Variants in ITPK1 observed in about 807,000 individuals in gnomAD.
ITPK1 encodes the protein inositol 1,3,4-trisphosphate 5/6-kinase.
ITPK1 carries 21 observed loss-of-function variants against 45.3 expected under a neutral mutation model. The ratio of observed to expected loss-of-function variants is 0.46; its 90% CI spans 0.33 to 0.67. The LOEUF (loss-of-function observed/expected upper bound fraction) is 0.67. ITPK1 is among the 30% of genes least tolerant of loss of function. The probability of loss-of-function intolerance (pLI) is 0.02; values close to 1 mark genes in which losing one functional copy is unlikely to be tolerated. For missense variants in ITPK1, 474 were observed against 573.5 expected (o/e 0.83, Z 1.77); for synonymous variants, 258 against 253.6 (o/e 1.02, Z -0.16).
rs554586014 is a variant in ITPK1, at chr14:92,969,646, A to T, written c.365-6797T>A. 2.0e-5 allele frequency among the ~76,000 whole-genome samples: 3 copies of T among 152,294 alleles called. No homozygotes were observed. The East Asian group carries it at 5.8e-4, about 29-fold the overall frequency. On this transcript the variant is annotated intron_variant, in intron 5 of 10. Transcript: ENST00000267615. ...GGGTTCCTCCCTCTCGATCACGAGA[A>T]GCTCGCAGTGGTGGCGCCAGCAGCT...
rs750294098 is a variant in ITPK1, at chr14:92,946,487, T to C, written c.745A>G (p.Lys249Glu). 2.5e-6 allele frequency: 4 copies of C among 1,612,400 alleles called. No homozygotes were observed. Among genetic ancestry groups the C allele is most frequent in the Admixed American group, 1.7e-5 (1 of 59,992 alleles). ...GGCCGCTCGAACACGCCCTCGATCTTGTCCAGCTGCCAACATACACAAGGA... is the reference window on the plus strand; with the variant it reads ...GGCCGCTCGAACACGCCCTCGATCTCGTCCAGCTGCCAACATACACAAGGA... Reference protein sequence around the residue: ...ESSSVLTELDKIEGVFERPSD... With the variant: ...ESSSVLTELDEIEGVFERPSD... Residue 249 changes from lysine to glutamate, a missense_variant, in exon 10 of 11, where the codon AAG becomes GAG. By Grantham distance (56) the Lys-to-Glu change is moderately conservative. This residue lies in a region of ITPK1 where 367 missense variants were observed against 480.6 expected (regional missense o/e 0.76). Transcript: ENST00000267615.
At chr14:93,074,474 T>C (rs960848317) in intron 3 of ITPK1, among the ~76,000 whole-genome samples, 6 of 152,320 alleles carry the variant, frequency 3.9e-5, no homozygotes, top group Middle Eastern at 3.4e-3. Flanking sequence ...TGACACCCAC[T>C]GTGTGACAGT....
chr14:93,011,222 T>C (rs1428526407), intron 4 of ITPK1, among the ~76,000 whole-genome samples: 2 of 152,164 alleles, frequency 1.3e-5, no homozygotes, highest in Non-Finnish European at 2.9e-5. Flanking sequence ...CGGCTGTCAT[T>C]TCAGGCTGCA....
intron 2 of ITPK1, among the ~76,000 whole-genome samples, chr14:93,079,777 T>C (rs971597336): frequency 6.6e-6 from 1 of 152,008 alleles, no homozygotes; most frequent in Admixed American, 6.6e-5. Flanking sequence ...GTTCAGAAAT[T>C]GAATGATGAA....
At chr14:93,093,240 G>A (rs1436113599) in intron 2 of ITPK1, among the ~76,000 whole-genome samples, 1 of 152,222 alleles carries the variant, frequency 6.6e-6, no homozygotes, top group Non-Finnish European at 1.5e-5. Context: ...AAAGGACAGG[G>A]TCCACAGGGT....
intron 10 of ITPK1, among the ~76,000 whole-genome samples, chr14:92,944,151 G>A (rs941580): frequency 0.063 from 9,643 of 152,196 alleles, 406 homozygotes; most frequent in East Asian, 0.22. Context: ...CTCTCTGGAG[G>A]GGCCCTCTCC....
chr14:93,040,501 G>A (rs960861715), intron 3 of ITPK1, among the ~76,000 whole-genome samples: 6 of 152,116 alleles, frequency 3.9e-5, no homozygotes, highest in Non-Finnish European at 7.4e-5. Flanking sequence ...CTGCCACACC[G>A]CTTGGCCCAA....
rs1429415215 is a variant in ITPK1, at chr14:93,016,242, G to GGCA, written c.246+431_246+433dup. Among the ~76,000 whole-genome samples, 1 of 152,090 alleles carries GGCA rather than the reference G, an allele frequency of 6.6e-6. No individual in the cohort carries two copies. Among genetic ancestry groups the GGCA allele is most frequent in the Non-Finnish European group, 1.5e-5 (1 of 68,020 alleles). On this transcript the variant is annotated intron_variant, in intron 4 of 10. Coordinates refer to ENST00000267615, the MANE Select transcript of ITPK1 (RefSeq NM_014216.6). This position sits in a 1 kb window ranked among gnomAD's most constrained non-coding sequence, Gnocchi z 5.0. ...GGTGAGTACCCAGGTCAAAGTAATGGGCAGAGGCAGGGTTCTCCACCAAGG... is the reference window on the plus strand; with the variant it reads ...GGTGAGTACCCAGGTCAAAGTAATGGGCAGCAGAGGCAGGGTTCTCCACCAAGG...
intron 2 of ITPK1, among the ~76,000 whole-genome samples, chr14:93,087,439 G>A (rs531146257): frequency 3.4e-4 from 52 of 152,360 alleles, no homozygotes; most frequent in African/African-American, 1.1e-3. Context: ...ACTTGAGGCC[G>A]TGAGTTTGAT....
chr14:92,995,847 C>T (rs900322916), intron 4 of ITPK1, among the ~76,000 whole-genome samples: 6 of 152,220 alleles, frequency 3.9e-5, no homozygotes, highest in African/African-American at 1.4e-4. Flanking sequence ...TTATCTAGAG[C>T]TGCCCTGGGG....
At chr14:92,973,221 T>C (rs1353962499) in intron 5 of ITPK1, among the ~76,000 whole-genome samples, 1 of 152,236 alleles carries the variant, frequency 6.6e-6, no homozygotes, top group Middle Eastern at 3.2e-3. Context: ...AACTAGGCAG[T>C]ATGTTCCTTG....
intron 3 of ITPK1, among the ~76,000 whole-genome samples, chr14:93,072,783 G>C (rs377062591): frequency 2.6e-5 from 4 of 152,094 alleles, no homozygotes; most frequent in Non-Finnish European, 5.9e-5. Context: ...TGTATTTGTG[G>C]TTGGGGGGGA....
At chr14:93,025,021 T>A (rs1888667264) in intron 3 of ITPK1, among the ~76,000 whole-genome samples, 1 of 152,112 alleles carries the variant, frequency 6.6e-6, no homozygotes. Flanking sequence ...AACCCAGACT[T>A]GCCCCAGTTC....
chr14:92,988,023 A>G (rs1886582345), intron 5 of ITPK1, among the ~76,000 whole-genome samples: 1 of 152,176 alleles, frequency 6.6e-6, no homozygotes, highest in African/African-American at 2.4e-5. Context: ...TGCTCTGCGG[A>G]GCCTCCCCTG....
chr14:93,029,905 C>T (rs113351553), intron 3 of ITPK1, among the ~76,000 whole-genome samples: 123 of 152,366 alleles, frequency 8.1e-4, no homozygotes, highest in African/African-American at 2.8e-3. Flanking sequence ...CCACATCTGA[C>T]TGTCCCAAAG....
chr14:92,940,851 A>G lies in ITPK1; in HGVS notation c.*710T>C, dbSNP rs1887335943. On this transcript the variant is annotated 3_prime_UTR_variant, in exon 11 of 11. Transcript: ENST00000267615. ...CTCCAGGGAGCAGCAGTGCTGGCTT[A>G]GGGGAAGGAGACCGCTGTGCAGGGC... is the stretch of plus-strand genomic sequence containing the variant. 2.4e-6 allele frequency: 3 copies of G among 1,270,762 alleles called. No homozygotes were observed. The highest frequency in any genetic ancestry group is 3.1e-6 in the Non-Finnish European group (3 of 979,972). The allele number at this position is 1,270,762 out of a possible 1,614,324, so 78.7% of individuals were successfully genotyped here.
intron 5 of ITPK1, among the ~76,000 whole-genome samples, chr14:92,980,209 T>C (rs1368335638): frequency 6.6e-6 from 1 of 152,232 alleles, no homozygotes; most frequent in Admixed American, 6.5e-5. Context: ...AATACAAGGC[T>C]GGATCTGGGG....
At chr14:92,973,093 A>G (rs569720048) in intron 5 of ITPK1, among the ~76,000 whole-genome samples, 129 of 152,200 alleles carry the variant, frequency 8.5e-4, no homozygotes, top group Non-Finnish European at 1.4e-3. Context: ...AGTGGCATTC[A>G]CCCTGCAACT....
intron 10 of ITPK1, among the ~76,000 whole-genome samples, chr14:92,945,533 C>T (rs759641940): frequency 3.9e-5 from 6 of 152,246 alleles, no homozygotes; most frequent in Non-Finnish European, 8.8e-5. Flanking sequence ...GAGAAAGGAA[C>T]GGGGGACCCC....
Sources: gnomAD v4.1 joint callset for allele counts (sites outside exome capture counted in the v4.1 genomes callset) on GRCh38, gnomAD v4.1.1 for gene constraint, gnomAD v4.1.1 regional missense constraint, Gnocchi (gnomAD v3.1) non-coding constraint, MANE v1.5 for transcripts, NCBI Gene and HGNC (gene_info 2026-07-23, HGNC 2026-07-21) for gene names.